Variants in FUT8 observed in about 807,000 individuals in gnomAD.
The protein encoded by FUT8 is alpha-(1,6)-fucosyltransferase.
A neutral mutation model predicts 71.3 loss-of-function variants in FUT8; 29 were observed. That is an observed-to-expected ratio of 0.41 (90% CI 0.30 to 0.55). The LOEUF (loss-of-function observed/expected upper bound fraction) is 0.55, where lower values mean the gene tolerates loss of function less well. Among genes scored for constraint, FUT8 ranks in the 20% least tolerant of loss-of-function variants. The probability of loss-of-function intolerance (pLI) is 0.34; values close to 1 mark genes in which losing one functional copy is unlikely to be tolerated. For missense variants in FUT8, 544 were observed against 702.1 expected (o/e 0.77, Z 2.55); for synonymous variants, 254 against 239.3 (o/e 1.06, Z -0.57).
intron 1 of FUT8, among the ~76,000 whole-genome samples, chr14:65,421,679 CT>C (rs2065296730): frequency 6.7e-6 from 1 of 149,858 alleles, no homozygotes; most frequent in African/African-American, 2.5e-5. Flanking sequence ...TTAAATTCCT[CT>C]TGTGTGATGT....
chr14:65,602,501 C>T (rs1042554371), intron 3 of FUT8, among the ~76,000 whole-genome samples: 11 of 150,500 alleles, frequency 7.3e-5, no homozygotes, highest in Non-Finnish European at 3.0e-5. Context: ...GTATCTTTTT[C>T]GTATAATGAC....
rs145291122 is a variant in FUT8 at position 65,418,094 on chromosome 14, C to G, written c.-326+4880C>G. Among the ~76,000 whole-genome samples, 274 of 152,172 alleles carry G rather than the reference C, an allele frequency of 1.8e-3. 2 individuals are homozygous for G. Among genetic ancestry groups the G allele is most frequent in the African/African-American group, 6.4e-3 (265 of 41,512 alleles). ...TGAGTAATGAGTTTATATCATGTAG[C>G]AATGAGGCACATGAAGACGGTTAGA... On this transcript the variant is annotated intron_variant, in intron 1 of 10. Coordinates refer to ENST00000673929, the MANE Select transcript of FUT8 (RefSeq NM_001371533.1).
chr14:65,429,410 G>A lies in FUT8; in HGVS notation c.-326+16196G>A, dbSNP rs191101985. ...TTAATGATGGTGTCATTACAGCGGC[G>A]TAAGAAAATTTGTTTCATGTTTTAG... On this transcript the variant is annotated intron_variant, in intron 1 of 10. Transcript: ENST00000673929. Among the ~76,000 whole-genome samples the A allele has an allele frequency of 4.6e-5, 7 of 152,276 alleles. No homozygotes were observed. In the East Asian group the frequency reaches 7.7e-4, roughly 17 times the overall value.
chr14:65,399,384 G>A, the FUT8 span, among the ~76,000 whole-genome samples: 2 of 152,186 alleles, frequency 1.3e-5, no homozygotes, highest in Non-Finnish European at 2.9e-5. Flanking sequence ...ACTGACCAAT[G>A]AGAATTTTGC....
At chr14:65,613,413 G>A (rs895103233) in intron 3 of FUT8, among the ~76,000 whole-genome samples, 2 of 152,162 alleles carry the variant, frequency 1.3e-5, no homozygotes, top group Admixed American at 6.5e-5. Context: ...TAAGAGCCAA[G>A]TCTTAGAAAC....
At chr14:65,633,164 G>A (rs2140274439) in intron 6 of FUT8, among the ~76,000 whole-genome samples, 1 of 151,994 alleles carries the variant, frequency 6.6e-6, no homozygotes, top group Admixed American at 6.5e-5. Flanking sequence ...GATTGCAGGC[G>A]CGCGCCGCCA....
intron 7 of FUT8, among the ~76,000 whole-genome samples, chr14:65,672,993 G>C (rs901160950): frequency 3.9e-5 from 6 of 151,956 alleles, no homozygotes; most frequent in African/African-American, 1.5e-4. Context: ...TCCTTCTCTT[G>C]TCTTTTTCCC....
At chr14:65,695,554 G>A (rs1004685585) in intron 7 of FUT8, among the ~76,000 whole-genome samples, 3 of 152,014 alleles carry the variant, frequency 2.0e-5, no homozygotes, top group Admixed American at 2.0e-4. Context: ...AGCTACTCTA[G>A]CTTTCTTTTG....
At chr14:65,485,976 C>T (rs543369730) in intron 2 of FUT8, among the ~76,000 whole-genome samples, 2 of 152,192 alleles carry the variant, frequency 1.3e-5, no homozygotes, top group Admixed American at 6.5e-5. Context: ...ATATTATGTC[C>T]GTTTTTCTTT....
intron 2 of FUT8, among the ~76,000 whole-genome samples, chr14:65,553,899 A>G (rs1309303461): frequency 3.3e-5 from 5 of 151,292 alleles, no homozygotes; most frequent in Admixed American, 3.3e-4. Flanking sequence ...ATTTTGCCCT[A>G]CTAGCAATTC....
In FUT8 at chr14:65,616,295, A is replaced by G. The variant is rs1490777360; in HGVS notation, c.404A>G (p.Lys135Arg). The change falls in exon 5 of 11, where the codon AAG (lysine) becomes AGG (arginine). Residue 135 changes from lysine (K) to arginine (R), a missense_variant. Transcript: ENST00000673929. ...ELWFFLQSEL[K>R]KLKNLEGNEL... ...TGGTTTTTCCTACAGAGTGAATTGAAGAAATTAAAGAACTTAGAAGGAAAT... is the reference window on the plus strand; with the variant it reads ...TGGTTTTTCCTACAGAGTGAATTGAGGAAATTAAAGAACTTAGAAGGAAAT... 2.5e-6 allele frequency: 4 copies of G among 1,612,502 alleles called. No individual in the cohort carries two copies. The highest frequency in any genetic ancestry group is 1.6e-4 in the Middle Eastern group (1 of 6,078).
At chr14:65,594,512 AT>A (rs1316089251) in intron 3 of FUT8, among the ~76,000 whole-genome samples, 1 of 152,108 alleles carries the variant, frequency 6.6e-6, no homozygotes, top group Admixed American at 6.5e-5. Context: ...GCCTCATTGC[AT>A]TGGGTGGCTG....
chr14:65,695,893 G>A lies in FUT8; in HGVS notation c.836-25882G>A, dbSNP rs148507686. 3.5e-3 allele frequency among the ~76,000 whole-genome samples: 527 copies of A among 151,744 alleles called. 2 individuals carry two copies. Among genetic ancestry groups the A allele is most frequent in the African/African-American group, 0.012 (500 of 41,390 alleles). ...TGATTCCATTTTTTATTATGTCTTA[G>A]CATATCAGTTATAACTTCTTCTAGT... On this transcript the variant is annotated intron_variant, in intron 7 of 10. Transcript: ENST00000673929.
chr14:65,470,096 C>T (rs894735397), intron 2 of FUT8, among the ~76,000 whole-genome samples: 4 of 152,258 alleles, frequency 2.6e-5, no homozygotes, highest in African/African-American at 9.6e-5. Flanking sequence ...AGCTCTCCAC[C>T]TCAGCTTCCT....
chr14:65,609,220 G>A (rs1038531936), intron 3 of FUT8, among the ~76,000 whole-genome samples: 2 of 151,326 alleles, frequency 1.3e-5, no homozygotes, highest in Non-Finnish European at 3.0e-5. Context: ...ACTTGAACCC[G>A]AGAGGTGGAG....
At chr14:65,406,267 C>G (rs1388248031), upstream of FUT8, among the ~76,000 whole-genome samples, 1 of 152,140 alleles carries the variant, frequency 6.6e-6, no homozygotes, top group Non-Finnish European at 1.5e-5. Flanking sequence ...TTTATACAAC[C>G]CCATGAGCTA....
chr14:65,561,779 A>G lies in FUT8; in HGVS notation c.203+13A>G. The G allele has an allele frequency of 6.2e-7, 1 of 1,601,798 alleles. No individual in the cohort carries two copies. Among genetic ancestry groups the G allele is most frequent in the Non-Finnish European group, 8.6e-7 (1 of 1,169,224 alleles). ...CCGAATCTCTCCGGTAGGTCCTAAAATACTGAATGAAGAATGATGAAATAT... is the reference window on the plus strand; with the variant it reads ...CCGAATCTCTCCGGTAGGTCCTAAAGTACTGAATGAAGAATGATGAAATAT... On this transcript the variant is annotated intron_variant, in intron 3 of 10. Transcript: ENST00000673929.
At chr14:65,583,831 G>C (rs1185402924) in intron 3 of FUT8, among the ~76,000 whole-genome samples, 2 of 152,144 alleles carry the variant, frequency 1.3e-5, no homozygotes, top group African/African-American at 4.8e-5. Flanking sequence ...TATTTAGGAA[G>C]ACAGCAATTT....
chr14:65,687,084 C>G (rs1293359710), intron 7 of FUT8, among the ~76,000 whole-genome samples: 2 of 152,070 alleles, frequency 1.3e-5, no homozygotes, highest in Non-Finnish European at 2.9e-5. Flanking sequence ...TGAATCATTC[C>G]AGGACTAGCC....
Sources: allele counts gnomAD v4.1 joint callset (sites outside exome capture counted in the v4.1 genomes callset), GRCh38; gene constraint gnomAD v4.1.1; transcripts MANE v1.5; gene names NCBI Gene and HGNC (gene_info 2026-07-23, HGNC 2026-07-21).